Variants in CLASP1 observed in about 807,000 individuals in gnomAD.
CLASP1 encodes the protein CLIP-associating protein 1.
In CLASP1, 38 loss-of-function variants were observed where a neutral mutation model predicts 192.3. The observed-to-expected ratio is 0.20, with a 90% CI of 0.15 to 0.26. The LOEUF (loss-of-function observed/expected upper bound fraction) is 0.26, where lower values mean the gene tolerates loss of function less well. Ranked by LOEUF, CLASP1 falls within the 10% of genes least tolerant of loss-of-function variation. The pLI is 1.00. For synonymous variants in CLASP1, 691 were observed against 712.8 expected, an observed-to-expected ratio of 0.97 and a Z score of 0.49; for missense variants, 1,433 against 1,932.5, an observed-to-expected ratio of 0.74 and a Z score of 4.85.
At chr2:121,528,437 T>G (rs2094638864) in intron 4 of CLASP1, among the ~76,000 whole-genome samples, 1 of 152,216 alleles carries the variant, frequency 6.6e-6, no homozygotes, top group African/African-American at 2.4e-5. Context: ...GGATTAAAAC[T>G]AAGTATATTA....
intron 2 of CLASP1, 105 bp from the exon 3 acceptor site, chr2:121,530,430 CGA>C (rs907496674): frequency 1.6e-5 from 13 of 805,728 alleles, no homozygotes; most frequent in Middle Eastern, 7.2e-4. Flanking sequence ...AGACGCAGTC[CGA>C]GAGTCCAGAC....
At chr2:121,572,036 C>T (rs1035298183) in intron 2 of CLASP1, among the ~76,000 whole-genome samples, 7 of 151,708 alleles carry the variant, frequency 4.6e-5, no homozygotes, top group Admixed American at 1.3e-4. Context: ...TGGAAAGCAG[C>T]TTCAAAAGGC....
chr2:121,502,948 A>T lies in CLASP1; in HGVS notation c.712+219T>A, dbSNP rs1339560766. On this transcript the variant is annotated intron_variant, in intron 8 of 39. Coordinates refer to ENST00000263710, the Ensembl canonical transcript of CLASP1. ...ATTCAGGACGCAGTTTTAAAAGTAA[A>T]GCCAACAGGATTCGCTAATAAATTC... Among the ~76,000 whole-genome samples the T allele has an allele frequency of 2.0e-5, 3 of 152,192 alleles. No individual in the cohort carries two copies. The East Asian group carries it at 5.8e-4, about 29-fold the overall frequency.
At chr2:121,484,041 CA>C (rs1229431231) in intron 8 of CLASP1, among the ~76,000 whole-genome samples, 1 of 152,058 alleles carries the variant, frequency 6.6e-6, no homozygotes, top group Non-Finnish European at 1.5e-5. Context: ...AGGAAGAAAG[CA>C]AAGCTTAGGA....
At chr2:121,503,272 C>T in intron 7 of CLASP1, 38 bp from the exon 8 acceptor site, 1 of 1,156,386 alleles carries the variant, frequency 8.6e-7, no homozygotes, top group Non-Finnish European at 1.3e-6. Context: ...TATTAACCAT[C>T]ACTGCTCATA....
At chr2:121,416,071 T>C (rs1051046604) in intron 23 of CLASP1, among the ~76,000 whole-genome samples, 3 of 152,226 alleles carry the variant, frequency 2.0e-5, no homozygotes, top group Non-Finnish European at 4.4e-5. Flanking sequence ...TACAAGCACA[T>C]CACTATCTTG....
In CLASP1 at chr2:121,373,320, C is replaced by A. The variant is rs186015912; in HGVS notation, c.3642+4179G>T. On this transcript the variant is annotated intron_variant, in intron 34 of 39. Transcript: ENST00000263710. ...TTTCCTGAGGCCTCCCCAGCCAGGC[C>A]TCCGGTATAGTCTGTAGAACTGTGA... 2.0e-5 allele frequency among the ~76,000 whole-genome samples: 3 copies of A among 152,264 alleles called. No homozygotes were observed. The East Asian group carries it at 5.8e-4, about 29-fold the overall frequency.
intron 7 of CLASP1, among the ~76,000 whole-genome samples, chr2:121,509,945 TAAGA>T (rs1205435120): frequency 6.6e-6 from 1 of 151,708 alleles, no homozygotes; most frequent in African/African-American, 2.4e-5. Flanking sequence ...CAAAAAGAAA[TAAGA>T]AACAAACAAA....
intron 38 of CLASP1, 75 bp downstream of exon 39, chr2:121,348,437 C>A: frequency 7.4e-7 from 1 of 1,349,360 alleles, no homozygotes. Context: ...AGGAGGAGCA[C>A]AAAGCCCTTA....
chr2:121,631,779 G>A (rs2069708342), intron 1 of CLASP1, among the ~76,000 whole-genome samples: 1 of 151,826 alleles, frequency 6.6e-6, no homozygotes, highest in South Asian at 2.1e-4. Context: ...AGGCGCAGTG[G>A]GTCACACCTG....
rs1575683183 is a variant in CLASP1, at chr2:121,528,818, A to G, written c.275-38T>C. Reference sequence around the variant, plus strand: ...ATGGAAACTGATCAAATGAAACCCTATTTGGGGGTCTGTGGTCACCAAGTA... The same window carrying G: ...ATGGAAACTGATCAAATGAAACCCTGTTTGGGGGTCTGTGGTCACCAAGTA... On this transcript the variant is annotated intron_variant, in intron 3 of 39. Transcript: ENST00000263710. 2.0e-6 allele frequency: 3 copies of G among 1,510,184 alleles called. No individual in the cohort carries two copies. In the East Asian group the frequency reaches 6.8e-5, roughly 34 times the overall value. The allele number at this position is 1,510,184 out of a possible 1,614,324, so 93.5% of individuals were successfully genotyped here. A position where few individuals can be genotyped will look rare whatever the true frequency, so the allele number is the denominator to read the frequency against.
intron 37 of CLASP1, among the ~76,000 whole-genome samples, chr2:121,357,295 T>C (rs867200557): frequency 1.3e-5 from 2 of 152,208 alleles, no homozygotes; most frequent in Non-Finnish European, 1.5e-5. Context: ...TCAAAATCAG[T>C]CTACTTTCTT....
At chr2:121,569,109 C>T (rs2059764029) in intron 2 of CLASP1, among the ~76,000 whole-genome samples, 1 of 152,162 alleles carries the variant, frequency 6.6e-6, no homozygotes, top group African/African-American at 2.4e-5. Flanking sequence ...AATAGAGACG[C>T]TAATGACTTT....
intron 8 of CLASP1, among the ~76,000 whole-genome samples, chr2:121,493,344 A>G (rs2093399130): frequency 6.6e-6 from 1 of 152,210 alleles, no homozygotes; most frequent in Non-Finnish European, 1.5e-5. Context: ...AAATCCACAC[A>G]TCTACAGTGA....
At chr2:121,583,196 T>C (rs190297542) in intron 2 of CLASP1, among the ~76,000 whole-genome samples, 33 of 152,310 alleles carry the variant, frequency 2.2e-4, no homozygotes, top group Admixed American at 9.2e-4. Flanking sequence ...ATTCCCTCCA[T>C]TGAAAATTTA....
chr2:121,348,169 T>C (rs1490490265), intron 38 of CLASP1, among the ~76,000 whole-genome samples: 2 of 152,122 alleles, frequency 1.3e-5, no homozygotes, highest in Admixed American at 1.3e-4. Flanking sequence ...TGGTTTGATT[T>C]ACACTCCATG....
intron 19 of CLASP1, among the ~76,000 whole-genome samples, chr2:121,440,257 T>C (rs2083079195): frequency 6.6e-6 from 1 of 152,194 alleles, no homozygotes; most frequent in Non-Finnish European, 1.5e-5. Flanking sequence ...CTCAGATATA[T>C]ATTTATTTTA....
chr2:121,525,161 G>A (rs561492614), intron 6 of CLASP1, among the ~76,000 whole-genome samples: 1 of 152,202 alleles, frequency 6.6e-6, no homozygotes, highest in East Asian at 1.9e-4. Flanking sequence ...TGTATGAGAT[G>A]ACATAATAAA....
At position 121,347,164 on chromosome 2, in the gene CLASP1, C is replaced by A. The variant is rs2063547743; in HGVS notation, c.4414-10G>T. 8 of 1,533,630 alleles carry A rather than the reference C, an allele frequency of 5.2e-6. No homozygotes were observed. Among genetic ancestry groups the A allele is most frequent in the Non-Finnish European group, 7.1e-6 (8 of 1,127,184 alleles). The stretch of plus-strand genomic sequence containing the variant: ...CGGTGTTGTCATAACCCTAGAGAGC[C>A]AGAAGGGAACACGAAAAGGAAACCA... On this transcript the variant is annotated splice_polypyrimidine_tract_variant and intron_variant, in intron 38 of 39. Transcript: ENST00000263710.
Sources: allele counts gnomAD v4.1 joint callset (sites outside exome capture counted in the v4.1 genomes callset), GRCh38; gene constraint gnomAD v4.1.1; transcripts MANE v1.5; gene names NCBI Gene and HGNC (gene_info 2026-07-23, HGNC 2026-07-21).